The following ENPP6 variants were observed in gnomAD, a reference collection of about 807,000 sequenced individuals.
ENPP6 encodes the protein glycerophosphocholine cholinephosphodiesterase ENPP6.
Under a neutral mutation model 42.0 loss-of-function variants are expected in ENPP6, and 32 were observed. That is an observed-to-expected ratio of 0.76 (90% CI 0.58 to 1.02). The LOEUF is 1.02. ENPP6 is among the 50% of genes least tolerant of loss of function. The pLI, the probability that ENPP6 is intolerant of heterozygous loss-of-function variation, is 0.00. For synonymous variants in ENPP6, 213 were observed against 216.0 expected (o/e 0.99, Z 0.12); for missense variants, 552 against 566.8 (o/e 0.97, Z 0.27).
chr4:184,178,142 G>A (rs772804537), intron 1 of ENPP6, among the ~76,000 whole-genome samples: 2 of 152,106 alleles, frequency 1.3e-5, no homozygotes, highest in Non-Finnish European at 2.9e-5. Context: ...TACGGGAGCT[G>A]TTAACCAGAA....
At chr4:184,121,536 A>G (rs1736416429) in intron 3 of ENPP6, among the ~76,000 whole-genome samples, 1 of 152,214 alleles carries the variant, frequency 6.6e-6, no homozygotes. Context: ...CTCATGTATG[A>G]AAACTCCAAG....
At chr4:184,135,030 T>C (rs1023308765) in intron 2 of ENPP6, among the ~76,000 whole-genome samples, 1 of 152,088 alleles carries the variant, frequency 6.6e-6, no homozygotes, top group Admixed American at 6.6e-5. Context: ...TTATTATTGA[T>C]TATTGTTTAA....
intron 1 of ENPP6, among the ~76,000 whole-genome samples, chr4:184,203,182 C>T (rs537538974): frequency 1.2e-4 from 18 of 152,188 alleles, no homozygotes; most frequent in Middle Eastern, 3.4e-3. Context: ...ACCAGGGAAG[C>T]GGAGGTTGCA....
At chr4:184,146,029 T>C (rs1344126205) in intron 2 of ENPP6, among the ~76,000 whole-genome samples, 5 of 151,666 alleles carry the variant, frequency 3.3e-5, no homozygotes, top group Non-Finnish European at 5.9e-5. Context: ...TTTTCTTTTT[T>C]TTTTTTTTGG....
chr4:184,176,698 C>T (rs906842213), intron 1 of ENPP6, among the ~76,000 whole-genome samples: 30 of 150,692 alleles, frequency 2.0e-4, no homozygotes, highest in African/African-American at 6.3e-4. Flanking sequence ...GTTGACTGAA[C>T]TTTTATGAAA....
chr4:184,169,084 C>T (rs1737413245), intron 1 of ENPP6, among the ~76,000 whole-genome samples: 1 of 152,160 alleles, frequency 6.6e-6, no homozygotes. Context: ...TTGTAATGGT[C>T]ACTGCAGTGG....
chr4:184,155,372 T>C (rs1308398639), intron 1 of ENPP6, among the ~76,000 whole-genome samples: 1 of 152,228 alleles, frequency 6.6e-6, no homozygotes, highest in Non-Finnish European at 1.5e-5. Context: ...AAAATAACCA[T>C]GATCATATCT....
chr4:184,146,405 G>A (rs1292796202), intron 2 of ENPP6, among the ~76,000 whole-genome samples: 5 of 149,748 alleles, frequency 3.3e-5, no homozygotes, highest in African/African-American at 1.2e-4. Context: ...ACTCCAGCCT[G>A]GGCTCCAGAG....
intron 1 of ENPP6, among the ~76,000 whole-genome samples, chr4:184,190,934 T>C (rs1465038481): frequency 1.3e-5 from 2 of 152,216 alleles, no homozygotes; most frequent in Middle Eastern, 3.2e-3. Context: ...CGCTTATTGT[T>C]CACATTGTCC....
At chr4:184,138,083 C>A (rs546257194) in intron 2 of ENPP6, among the ~76,000 whole-genome samples, 109 of 152,286 alleles carry the variant, frequency 7.2e-4, no homozygotes, top group African/African-American at 2.5e-3. Context: ...TAGAAATTAT[C>A]TTTACATTTT....
At chr4:184,162,170 T>C (rs1737272267) in intron 1 of ENPP6, among the ~76,000 whole-genome samples, 1 of 152,084 alleles carries the variant, frequency 6.6e-6, no homozygotes, top group African/African-American at 2.4e-5. Flanking sequence ...TATTTTCTGC[T>C]CCACAGCAAC....
intron 7 of ENPP6, among the ~76,000 whole-genome samples, chr4:184,094,423 A>T (rs1735861849): frequency 6.6e-6 from 1 of 152,240 alleles, no homozygotes; most frequent in Non-Finnish European, 1.5e-5. Context: ...ATAAAGGAGG[A>T]TTGAGATTTC....
Position 184,160,763 on chromosome 4 carries a change from A to T in ENPP6, c.242-7030T>A, listed in dbSNP as rs1342486999. Among the ~76,000 whole-genome samples, 2 of 152,102 alleles carry T rather than the reference A, an allele frequency of 1.3e-5. 1 individual carries two copies. The highest frequency in any genetic ancestry group is 2.9e-5 in the Non-Finnish European group (2 of 68,024). Reference sequence around the variant, plus strand: ...TCCTACTTCCACCAAGATTCTCACAAGTCCCCAGGAGATGCACATAACTGC... The same window carrying T: ...TCCTACTTCCACCAAGATTCTCACATGTCCCCAGGAGATGCACATAACTGC... On this transcript the variant is annotated intron_variant, in intron 1 of 7. Transcript: ENST00000296741.
intron 2 of ENPP6, among the ~76,000 whole-genome samples, chr4:184,127,298 G>C (rs1007192199): frequency 1.3e-5 from 2 of 151,254 alleles, no homozygotes; most frequent in African/African-American, 4.9e-5. Context: ...TAACCATTAG[G>C]AAAAAAACAA....
chr4:184,105,224 T>C (rs11132224), intron 6 of ENPP6, among the ~76,000 whole-genome samples: 50,585 of 151,752 alleles, frequency 0.33, 9,797 homozygotes, highest in East Asian at 0.53. Context: ...AAGAAAGGGG[T>C]TGGGGTAAGG....
At chr4:184,097,990 G>T (rs1183778322) in intron 6 of ENPP6, among the ~76,000 whole-genome samples, 1 of 152,224 alleles carries the variant, frequency 6.6e-6, no homozygotes. Context: ...TGAAGCCCAC[G>T]GGGCGTGCGG....
At chr4:184,209,071 CA>C (rs568957470) in intron 1 of ENPP6, among the ~76,000 whole-genome samples, 94 of 147,882 alleles carry the variant, frequency 6.4e-4, no homozygotes, top group Admixed American at 2.1e-3. Flanking sequence ...ACATCCACAC[CA>C]AAAACCCATC....
intron 1 of ENPP6, chr4:184,216,594 TCA>T (rs1733199483): frequency 6.6e-6 from 1 of 152,200 alleles, no homozygotes; most frequent in Admixed American, 6.5e-5. Flanking sequence ...CTCTCTGTGC[TCA>T]GAGTGCATAG....
Position 184,184,167 on chromosome 4 carries a change from T to C in ENPP6, c.242-30434A>G, listed in dbSNP as rs908991522. On this transcript the variant is annotated intron_variant, in intron 1 of 7. Coordinates refer to ENST00000296741, the MANE Select transcript of ENPP6 (RefSeq NM_153343.4). The surrounding 1 kb of genome is among the most constrained non-coding windows in gnomAD (Gnocchi z 4.7). ...TGTGAGTGAACAGCGGTAAGTTTTATCTTAACTACCGCAGTCACTGTGAGA... is the reference window on the plus strand; with the variant it reads ...TGTGAGTGAACAGCGGTAAGTTTTACCTTAACTACCGCAGTCACTGTGAGA... 2.6e-5 allele frequency among the ~76,000 whole-genome samples: 4 copies of C among 152,310 alleles called. No individual in the cohort carries two copies. In the East Asian group the frequency reaches 5.8e-4, roughly 22 times the overall value.
Sources: allele counts gnomAD v4.1 joint callset (sites outside exome capture counted in the v4.1 genomes callset), GRCh38; gene constraint gnomAD v4.1.1; non-coding constraint Gnocchi (gnomAD v3.1); transcripts MANE v1.5; gene names NCBI Gene and HGNC (gene_info 2026-07-23, HGNC 2026-07-21).